Variants in FBXO32 observed in about 807,000 individuals in gnomAD.
The protein encoded by FBXO32 is F-box protein 32.
A neutral mutation model predicts 48.3 loss-of-function variants in FBXO32; 15 were observed. That is an observed-to-expected ratio of 0.31 (90% CI 0.21 to 0.48). FBXO32 has a LOEUF of 0.48. Ranked by LOEUF, FBXO32 falls within the 20% of genes least tolerant of loss-of-function variation. The probability of loss-of-function intolerance (pLI) is 0.99; values close to 1 mark genes in which losing one functional copy is unlikely to be tolerated. For synonymous variants in FBXO32, 154 were observed against 165.9 expected (o/e 0.93, Z 0.55); for missense variants, 309 against 432.7 (o/e 0.71, Z 2.54).
In FBXO32 at chr8:123,510,349, T is replaced by C. The variant is rs540258033; in HGVS notation, c.651+2849A>G. ...AGTTGGGGCCGGGCGCGGTGGCTCA[T>C]GCCTGTAATCCCAGCACTTTGGGAG... On this transcript the variant is annotated intron_variant, in intron 6 of 8. Transcript: ENST00000517956. 7.9e-4 allele frequency among the ~76,000 whole-genome samples: 120 copies of C among 152,268 alleles called. 1 individual carries two copies. Among genetic ancestry groups the C allele is most frequent in the Non-Finnish European group, 1.3e-3 (91 of 68,006 alleles).
At chr8:123,516,519 T>G (rs778028719) in intron 4 of FBXO32, among the ~76,000 whole-genome samples, 19 of 152,082 alleles carry the variant, frequency 1.2e-4, no homozygotes, top group Non-Finnish European at 2.4e-4. Flanking sequence ...AAAATGAAAT[T>G]TTAAAGATTG....
chr8:123,532,511 C>T (rs1817230378), intron 3 of FBXO32, among the ~76,000 whole-genome samples: 1 of 152,028 alleles, frequency 6.6e-6, no homozygotes, highest in South Asian at 2.1e-4. Flanking sequence ...AACCTATGAA[C>T]ACAGAGGGAA....
At chr8:123,515,998 T>TA (rs1392506568) in intron 4 of FBXO32, among the ~76,000 whole-genome samples, 1 of 151,888 alleles carries the variant, frequency 6.6e-6, no homozygotes, top group Non-Finnish European at 1.5e-5. Context: ...TCTTAAAAAA[T>TA]AAAAAATAAA....
intron 4 of FBXO32, among the ~76,000 whole-genome samples, chr8:123,517,085 T>C (rs778008087): frequency 3.9e-5 from 6 of 152,104 alleles, no homozygotes; most frequent in African/African-American, 1.2e-4. Flanking sequence ...ATGACCAACA[T>C]GAAGCAGATG....
intron 6 of FBXO32, among the ~76,000 whole-genome samples, chr8:123,509,165 T>C (rs1295287375): frequency 6.6e-6 from 1 of 152,148 alleles, no homozygotes; most frequent in Non-Finnish European, 1.5e-5. Context: ...ATTGGCTCCA[T>C]AGAATTAGAT....
rs529474368 is a variant in FBXO32 at position 123,501,439 on chromosome 8, A to G, written c.*1934T>C. 2.6e-4 allele frequency: 40 copies of G among 152,236 alleles called. No homozygotes were observed. The highest frequency in any genetic ancestry group is 2.4e-3 in the Admixed American group (36 of 15,302). The allele number at this position is 152,236 out of a possible 1,614,324, so 9.4% of individuals were successfully genotyped here. A position where few individuals can be genotyped will look rare whatever the true frequency, so the allele number is the denominator to read the frequency against. On this transcript the variant is annotated 3_prime_UTR_variant, in exon 9 of 9. Transcript: ENST00000517956. ...ATGGTTCGTGACCTTCCAAAGCTCA[A>G]TCTTACCCAACAAAATCCTATTCTT...
chr8:123,508,586 C>T (rs910719438), intron 6 of FBXO32, among the ~76,000 whole-genome samples: 3 of 152,250 alleles, frequency 2.0e-5, no homozygotes, highest in South Asian at 2.1e-4. Flanking sequence ...CAATTTATAC[C>T]GCTCGGTTCT....
intron 4 of FBXO32, among the ~76,000 whole-genome samples, chr8:123,515,587 C>A (rs1816824248): frequency 6.6e-6 from 1 of 152,080 alleles, no homozygotes; most frequent in Non-Finnish European, 1.5e-5. Context: ...TTCCTACCAA[C>A]CCCATAATTG....
At chr8:123,503,528 G>C in intron 8 of FBXO32, 66 bp from the exon 9 acceptor site, 2 of 1,298,722 alleles carry the variant, frequency 1.5e-6, no homozygotes. Flanking sequence ...AGCACCATAA[G>C]GCATTTTCCA....
chr8:123,507,469 G>A (rs1157373015), intron 6 of FBXO32, among the ~76,000 whole-genome samples: 1 of 151,594 alleles, frequency 6.6e-6, no homozygotes, highest in Non-Finnish European at 1.5e-5. Flanking sequence ...GTGTGTGTGT[G>A]TGTGTGTGTG....
At chr8:123,528,412 G>C (rs565522895) in intron 4 of FBXO32, among the ~76,000 whole-genome samples, 1 of 152,290 alleles carries the variant, frequency 6.6e-6, no homozygotes, top group East Asian at 1.9e-4. Context: ...AGTTCCTCAA[G>C]GGAATTTCCA....
intron 4 of FBXO32, among the ~76,000 whole-genome samples, chr8:123,527,792 A>G (rs1287242553): frequency 2.6e-5 from 4 of 152,214 alleles, no homozygotes; most frequent in Admixed American, 2.6e-4. Flanking sequence ...AAATGCTTCA[A>G]TACAGGTATG....
intron 4 of FBXO32, among the ~76,000 whole-genome samples, chr8:123,514,707 C>T (rs1019306390): frequency 6.6e-6 from 1 of 152,198 alleles, no homozygotes; most frequent in African/African-American, 2.4e-5. Context: ...AATTCTTCTG[C>T]CCCCGCTTGA....
Position 123,525,928 on chromosome 8 carries a change from GT to G in FBXO32, c.372+5969del, listed in dbSNP as rs1327561194. On this transcript the variant is annotated intron_variant, in intron 4 of 8. Transcript: ENST00000517956. This position sits in a 1 kb window ranked among gnomAD's most constrained non-coding sequence, Gnocchi z 4.3. ...CTGCTTGGCCAAGGTGCTGTTTCTT[GT>G]TTTTTTTCCAGTGGCTTCCTCCTGC... 2.6e-5 allele frequency among the ~76,000 whole-genome samples: 4 copies of G among 151,734 alleles called. No homozygotes were observed. The highest frequency in any genetic ancestry group is 1.3e-4 in the Admixed American group (2 of 15,188).
chr8:123,539,474 C>T (rs910585003), intron 1 of FBXO32, among the ~76,000 whole-genome samples: 1 of 152,124 alleles, frequency 6.6e-6, no homozygotes, highest in Non-Finnish European at 1.5e-5. Flanking sequence ...CTTGATTTTA[C>T]GTAAATAAGA....
At chr8:123,532,075 C>G in intron 3 of FBXO32, 85 bp from the exon 4 acceptor site, 3 of 1,573,668 alleles carry the variant, frequency 1.9e-6, no homozygotes, top group Non-Finnish European at 2.6e-6. Flanking sequence ...AACAACCCAA[C>G]TGGATTTTGC....
intron 6 of FBXO32, among the ~76,000 whole-genome samples, chr8:123,509,337 C>T (rs1816691680): frequency 6.6e-6 from 1 of 152,170 alleles, no homozygotes. Context: ...AAAATACAGT[C>T]CAGACTGAAG....
At chr8:123,510,951 G>A (rs1816723203) in intron 6 of FBXO32, among the ~76,000 whole-genome samples, 1 of 152,260 alleles carries the variant, frequency 6.6e-6, no homozygotes, top group Non-Finnish European at 1.5e-5. Context: ...AAGGCAGCAA[G>A]CTTCAAAGCC....
intron 1 of FBXO32, among the ~76,000 whole-genome samples, chr8:123,538,200 T>C (rs1587005449): frequency 6.6e-6 from 1 of 151,824 alleles, no homozygotes; most frequent in African/African-American, 2.4e-5. Flanking sequence ...CTGGAGAAGG[T>C]TGGAGTCCTA....
Sources: gnomAD v4.1 joint callset for allele counts (sites outside exome capture counted in the v4.1 genomes callset) on GRCh38, gnomAD v4.1.1 for gene constraint, Gnocchi (gnomAD v3.1) non-coding constraint, MANE v1.5 for transcripts, NCBI Gene and HGNC (gene_info 2026-07-23, HGNC 2026-07-21) for gene names.